The following LEKR1 variants were observed in gnomAD, a reference collection of about 807,000 sequenced individuals.
LEKR1 encodes the protein protein LEKR1.
LEKR1 carries 59 observed loss-of-function variants against 72.4 expected under a neutral mutation model. The observed-to-expected ratio is 0.82, with a 90% CI of 0.66 to 1.01. The LOEUF (loss-of-function observed/expected upper bound fraction) is 1.01, where lower values mean the gene tolerates loss of function less well. Ranked by LOEUF, LEKR1 falls within the 50% of genes least tolerant of loss-of-function variation. The pLI is 0.00. For synonymous variants in LEKR1, 257 were observed against 263.2 expected (o/e 0.98, Z 0.23); for missense variants, 728 against 759.2 (o/e 0.96, Z 0.48).
chr3:157,029,859 C>G, intron 12 of LEKR1, among the ~76,000 whole-genome samples: 1 of 152,076 alleles, frequency 6.6e-6, no homozygotes, highest in East Asian at 1.9e-4. Flanking sequence ...ACTATTCATT[C>G]ACAAAAGAAA....
At chr3:156,976,858 G>C (rs541771895) in intron 6 of LEKR1, among the ~76,000 whole-genome samples, 5 of 152,278 alleles carry the variant, frequency 3.3e-5, no homozygotes, top group Admixed American at 3.3e-4. Context: ...AGTTTTCTTG[G>C]TAGTTGTGAC....
intron 1 of LEKR1, among the ~76,000 whole-genome samples, chr3:156,827,606 G>A (rs547042139): frequency 7.9e-5 from 12 of 152,268 alleles, no homozygotes; most frequent in African/African-American, 2.2e-4. Flanking sequence ...TAGCAGATTA[G>A]CCGTGATGTG....
chr3:156,836,386 C>T (rs1713144276), intron 2 of LEKR1, among the ~76,000 whole-genome samples: 1 of 150,874 alleles, frequency 6.6e-6, no homozygotes, highest in South Asian at 2.1e-4. Context: ...AATGGAGAAA[C>T]AATTCAGCCA....
chr3:156,878,251 A>T (rs929499061), intron 3 of LEKR1, among the ~76,000 whole-genome samples: 2 of 152,038 alleles, frequency 1.3e-5, no homozygotes, highest in African/African-American at 4.8e-5. Flanking sequence ...ACTTTTTGAT[A>T]TAAGCATTTA....
intron 2 of LEKR1, among the ~76,000 whole-genome samples, 168 bp from the exon 3 acceptor site, chr3:156,852,600 T>C (rs1454507878): frequency 1.3e-5 from 2 of 152,198 alleles, no homozygotes; most frequent in African/African-American, 4.8e-5. Context: ...AGACTCAATA[T>C]GCCAGTTTAA....
rs182154003 is a variant in LEKR1 at position 156,903,897 on chromosome 3, G to T, written c.264-16678G>T. ...ATGTTTTATCCACTTAGCCAGCTGG[G>T]TTGGGTCATAGAACATGGAAACTTC... On this transcript the variant is annotated intron_variant, in intron 3 of 12. Transcript: ENST00000356539. 2.0e-5 allele frequency among the ~76,000 whole-genome samples: 3 copies of T among 152,292 alleles called. No individual in the cohort carries two copies. The East Asian group carries it at 5.8e-4, about 29-fold the overall frequency.
chr3:156,843,825 ATG>A (rs759976367), intron 2 of LEKR1, among the ~76,000 whole-genome samples: 19 of 148,998 alleles, frequency 1.3e-4, no homozygotes, highest in African/African-American at 2.7e-4. Flanking sequence ...GAAAGTTGTG[ATG>A]TGTGTGTGTG....
intron 3 of LEKR1, among the ~76,000 whole-genome samples, chr3:156,869,631 A>AT (rs1717690637): frequency 6.6e-6 from 1 of 151,948 alleles, no homozygotes; most frequent in African/African-American, 2.4e-5. Context: ...AATGGATTGC[A>AT]GGTATTTTCT....
At chr3:157,002,377 G>T (rs1552194) in intron 9 of LEKR1, among the ~76,000 whole-genome samples, 111,728 of 151,920 alleles carry the variant, frequency 0.74, 41,530 homozygotes, top group East Asian at 0.93. Context: ...TTTATCAATG[G>T]CCTAAGATTG....
intron 3 of LEKR1, among the ~76,000 whole-genome samples, chr3:156,894,937 A>G (rs1462680183): frequency 2.0e-5 from 3 of 152,224 alleles, no homozygotes; most frequent in Non-Finnish European, 4.4e-5. Flanking sequence ...AAGAAACCCT[A>G]GAAGAAAATT....
At chr3:157,019,624 T>C (rs1466063792) in intron 10 of LEKR1, among the ~76,000 whole-genome samples, 1 of 152,228 alleles carries the variant, frequency 6.6e-6, no homozygotes, top group African/African-American at 2.4e-5. Flanking sequence ...TTAGTTATTG[T>C]ATAAAGTGGT....
chr3:156,996,654 G>A (rs1731595294), intron 9 of LEKR1, among the ~76,000 whole-genome samples: 1 of 152,034 alleles, frequency 6.6e-6, no homozygotes, highest in East Asian at 1.9e-4. Context: ...AGAGATATGA[G>A]AAATATGAGG....
rs190879640 is a variant in LEKR1 at position 156,977,975 on chromosome 3, A to G, written c.746-1219A>G. The G allele has an allele frequency of 2.1e-3, 325 of 153,686 alleles. 1 individual carries two copies. The highest frequency in any genetic ancestry group is 3.8e-3 in the Non-Finnish European group (262 of 68,098). 9.5% of individuals were successfully genotyped at this position (153,686 alleles called of 1,614,324 possible). A position where few individuals can be genotyped will look rare whatever the true frequency, so the allele number is the denominator to read the frequency against. ...AATTTATATCATCCAAAACTTCCATATGGTCAGTAGCAGGTACTCTCTAAT... is the reference window on the plus strand; with the variant it reads ...AATTTATATCATCCAAAACTTCCATGTGGTCAGTAGCAGGTACTCTCTAAT... On this transcript the variant is annotated intron_variant, in intron 6 of 12. Transcript: ENST00000356539.
At chr3:156,871,269 C>T (rs1235218981) in intron 3 of LEKR1, among the ~76,000 whole-genome samples, 1 of 152,074 alleles carries the variant, frequency 6.6e-6, no homozygotes, top group African/African-American at 2.4e-5. Context: ...ATCCATGTCC[C>T]TACAAAGGAC....
At chr3:157,029,877 A>C (rs1734478385) in intron 12 of LEKR1, among the ~76,000 whole-genome samples, 1 of 152,244 alleles carries the variant, frequency 6.6e-6, no homozygotes, top group Non-Finnish European at 1.5e-5. Context: ...AAATGGCAAT[A>C]TAGAAAATGA....
intron 5 of LEKR1, among the ~76,000 whole-genome samples, chr3:156,934,738 TATC>T (rs1445070116): frequency 8.5e-5 from 13 of 152,232 alleles, no homozygotes; most frequent in East Asian, 1.9e-4. Flanking sequence ...TCATCTGTAA[TATC>T]ATGACACAGA....
chr3:157,018,850 C>A (rs1298568985), intron 10 of LEKR1, among the ~76,000 whole-genome samples: 1 of 152,082 alleles, frequency 6.6e-6, no homozygotes, highest in Non-Finnish European at 1.5e-5. Flanking sequence ...ACCATACCAC[C>A]CTAGCTTGTA....
chr3:156,910,204 G>A (rs540126609), intron 3 of LEKR1, among the ~76,000 whole-genome samples: 2 of 152,206 alleles, frequency 1.3e-5, no homozygotes, highest in South Asian at 4.2e-4. Context: ...TGTATTGCGC[G>A]ATGCTAGGCT....
chr3:156,915,940 C>T (rs773836048), intron 3 of LEKR1, among the ~76,000 whole-genome samples: 5 of 151,810 alleles, frequency 3.3e-5, no homozygotes, highest in South Asian at 2.1e-4. Flanking sequence ...TTTTTGTATA[C>T]GGTGTATGGA....
Sources: gnomAD v4.1 joint callset for allele counts (sites outside exome capture counted in the v4.1 genomes callset) on GRCh38, gnomAD v4.1.1 for gene constraint, MANE v1.5 for transcripts, NCBI Gene and HGNC (gene_info 2026-07-23, HGNC 2026-07-21) for gene names.